The following EZH2 variants were observed in gnomAD, a reference collection of about 807,000 sequenced individuals.
EZH2 encodes histone-lysine N-methyltransferase EZH2.
In EZH2, 18 loss-of-function variants were observed where a neutral mutation model predicts 98.4. The ratio of observed to expected loss-of-function variants is 0.18; its 90% CI spans 0.13 to 0.27. The LOEUF is 0.27. Ranked by LOEUF, EZH2 falls within the 10% of genes least tolerant of loss-of-function variation. The pLI is 1.00. For synonymous variants in EZH2, 338 were observed against 312.3 expected (o/e 1.08, Z -0.87); for missense variants, 470 against 935.1 (o/e 0.50, Z 6.49).
chr7:148,870,960 A>G (rs1819285239), intron 1 of EZH2, among the ~76,000 whole-genome samples: 1 of 152,126 alleles, frequency 6.6e-6, no homozygotes, highest in Admixed American at 6.6e-5. Context: ...TCACCTTATT[A>G]GAATATTTTA....
At chr7:148,829,582 G>T in intron 5 of EZH2, 146 bp downstream of exon 5, 1 of 768,248 alleles carries the variant, frequency 1.3e-6, no homozygotes, top group Non-Finnish European at 1.9e-6. Context: ...AAAATCTTAG[G>T]CCTGGGCCCA....
chr7:148,879,226 AAAAAAC>A (rs149467457), intron 1 of EZH2, among the ~76,000 whole-genome samples: 12 of 143,432 alleles, frequency 8.4e-5, no homozygotes, highest in Non-Finnish European at 1.5e-4. Flanking sequence ...ACTCCATATC[AAAAAAC>A]AAAAACAAAA....
chr7:148,842,707 AC>A (rs1296711781), intron 3 of EZH2, among the ~76,000 whole-genome samples: 1 of 152,174 alleles, frequency 6.6e-6, no homozygotes, highest in African/African-American at 2.4e-5. Flanking sequence ...AATTCTATGA[AC>A]AATAATGCTT....
intron 1 of EZH2, among the ~76,000 whole-genome samples, chr7:148,863,310 T>C (rs754593499): frequency 5.3e-5 from 8 of 152,084 alleles, no homozygotes; most frequent in African/African-American, 7.2e-5. Flanking sequence ...CTCTTGCAAC[T>C]AGAAAAAGGC....
In EZH2 at chr7:148,847,323, A is replaced by G; in HGVS notation, c.-7-18T>C. The G allele has an allele frequency of 6.2e-7, 1 of 1,612,276 alleles. No homozygotes were observed. Among genetic ancestry groups the G allele is most frequent in the Non-Finnish European group, 8.5e-7 (1 of 1,179,632 alleles). ...TGATTATTCTAAAAGCAATGGTTTC[A>G]TATTAAAATCACTAATCTAACCAGC... On this transcript the variant is annotated intron_variant, in intron 1 of 19. Transcript: ENST00000320356.
chr7:148,865,678 A>G (rs1818342853), intron 1 of EZH2, among the ~76,000 whole-genome samples: 1 of 152,144 alleles, frequency 6.6e-6, no homozygotes, highest in African/African-American at 2.4e-5. Flanking sequence ...TCTTCCCACA[A>G]ACTCTGCATG....
intron 1 of EZH2, among the ~76,000 whole-genome samples, chr7:148,862,481 C>G (rs1237206136): frequency 2.0e-5 from 3 of 152,152 alleles, no homozygotes; most frequent in African/African-American, 7.2e-5. Context: ...TCTCTGCCAA[C>G]AAATATGGTC....
At position 148,807,509 on chromosome 7, in the gene EZH2, T is replaced by C. The variant is rs1801781698; in HGVS notation, c.*137A>G. The C allele has an allele frequency of 2.8e-6, 2 of 707,244 alleles. No homozygotes were observed. Among genetic ancestry groups the C allele is most frequent in the Admixed American group, 2.5e-5 (1 of 40,616 alleles). The allele number at this position is 707,244 out of a possible 1,614,324, so 43.8% of individuals were successfully genotyped here. A position where few individuals can be genotyped will look rare whatever the true frequency, so the allele number is the denominator to read the frequency against. ...ATAAAAAGTTGATTTTTAAACTCAT[T>C]ACTATAAATTATTCTTACAGTACTT... On this transcript the variant is annotated 3_prime_UTR_variant, in exon 20 of 20. Transcript: ENST00000320356.
intron 4 of EZH2, among the ~76,000 whole-genome samples, chr7:148,830,284 T>C (rs189298595): frequency 2.1e-3 from 319 of 152,352 alleles, no homozygotes; most frequent in Admixed American, 7.3e-3. Flanking sequence ...GCTCCCAAAG[T>C]GCTGGGATAA....
intron 16 of EZH2, 34 bp downstream of exon 16, chr7:148,811,591 A>C (rs1417738235): frequency 6.5e-6 from 10 of 1,538,516 alleles, no homozygotes; most frequent in Non-Finnish European, 8.1e-6. Flanking sequence ...TAGTATATAC[A>C]ATGCCACCTG....
At chr7:148,817,737 G>T in intron 10 of EZH2, 140 bp downstream of exon 10, 1 of 1,196,736 alleles carries the variant, frequency 8.4e-7, no homozygotes, top group Non-Finnish European at 1.2e-6. Context: ...AAACAACACA[G>T]CTACACATTC....
intron 11 of EZH2, 65 bp downstream of exon 11, chr7:148,817,157 C>A: frequency 6.9e-7 from 1 of 1,442,142 alleles, no homozygotes; most frequent in South Asian, 1.4e-5. Context: ...TTTGTTTGGA[C>A]AACGAGTACA....
intron 3 of EZH2, among the ~76,000 whole-genome samples, chr7:148,838,800 C>T (rs912806580): frequency 3.9e-5 from 6 of 152,168 alleles, no homozygotes; most frequent in African/African-American, 1.4e-4. Flanking sequence ...GGCCTGTAAT[C>T]CCAGCACTTT....
intron 15 of EZH2, among the ~76,000 whole-genome samples, chr7:148,812,100 C>T (rs547804361): frequency 1.3e-5 from 2 of 152,256 alleles, no homozygotes; most frequent in Admixed American, 1.3e-4. Flanking sequence ...CACCAAATCA[C>T]TCTTCCTCTC....
At chr7:148,881,661 G>A (rs2177567) in intron 1 of EZH2, among the ~76,000 whole-genome samples, 69,644 of 151,840 alleles carry the variant, frequency 0.46, 16,073 homozygotes, top group Non-Finnish European at 0.48. Context: ...CCTAGGCTGG[G>A]CGTGGTGGCT....
intron 1 of EZH2, among the ~76,000 whole-genome samples, chr7:148,870,990 T>C (rs1361424522): frequency 6.6e-6 from 1 of 151,952 alleles, no homozygotes. Flanking sequence ...TAAGGACAAA[T>C]TCTCCTTTTC....
In EZH2 at chr7:148,884,277, G is replaced by T; in HGVS notation, c.-121C>A. 1.1e-5 allele frequency: 2 copies of T among 184,586 alleles called. No homozygotes were observed. The highest frequency in any genetic ancestry group is 1.7e-4 in the South Asian group (1 of 5,898). The allele number at this position is 184,586 out of a possible 1,614,324, so 11.4% of individuals were successfully genotyped here. On this transcript the variant is annotated 5_prime_UTR_variant, in exon 1 of 20. Coordinates refer to ENST00000320356, the MANE Select transcript of EZH2 (RefSeq NM_004456.5). ...TCCCACCGGGTGTCGGACGCGACCG[G>T]ACCGAGCGCCAAACGCGGCAGCCCA...
intron 3 of EZH2, among the ~76,000 whole-genome samples, chr7:148,835,945 T>C (rs531568006): frequency 6.6e-6 from 1 of 152,342 alleles, no homozygotes; most frequent in African/African-American, 2.4e-5. Flanking sequence ...AAAGAACTTA[T>C]GGAAGCACAG....
chr7:148,810,340 C>A lies in EZH2; in HGVS notation c.2022G>T (p.Leu674Phe). 1 of 1,606,708 alleles carries A rather than the reference C, an allele frequency of 6.2e-7. No individual in the cohort carries two copies. The highest frequency in any genetic ancestry group is 8.5e-7 in the Non-Finnish European group (1 of 1,173,934). Residue 674 changes from leucine (L) to phenylalanine (F), a missense_variant, in exon 17 of 20, where the codon TTG becomes TTT. Leu to Phe is a conservative substitution (Grantham distance 22). Transcript: ENST00000320356. ...DKYMCSFLFN[L>F]NNDFVVDATR... ...CCCAGCTCTGAAACATACCATTGTTCAAGTTGAACAGAAAGCTGCACATGT... is the reference window on the plus strand; with the variant it reads ...CCCAGCTCTGAAACATACCATTGTTAAAGTTGAACAGAAAGCTGCACATGT...
Sources: gnomAD v4.1 joint callset for allele counts (sites outside exome capture counted in the v4.1 genomes callset) on GRCh38, gnomAD v4.1.1 for gene constraint, MANE v1.5 for transcripts, NCBI Gene and HGNC (gene_info 2026-07-23, HGNC 2026-07-21) for gene names.